CACNA1C: variants seen among roughly 807,000 people sequenced by gnomAD.
CACNA1C encodes voltage-dependent L-type calcium channel subunit alpha-1C.
A neutral mutation model predicts 229.0 loss-of-function variants in CACNA1C; 30 were observed. That is an observed-to-expected ratio of 0.13 (90% CI 0.10 to 0.18). The LOEUF (loss-of-function observed/expected upper bound fraction) is 0.18. CACNA1C is among the 10% of genes least tolerant of loss of function. The pLI is 1.00. For missense variants in CACNA1C, 1,658 were observed against 2,845.0 expected, an observed-to-expected ratio of 0.58 and a Z score of 9.49; for synonymous variants, 1,114 against 1,132.5, an observed-to-expected ratio of 0.98 and a Z score of 0.33.
At chr12:2,520,203 T>A (rs1598746856) in intron 9 of CACNA1C, among the ~76,000 whole-genome samples, 1 of 116,248 alleles carries the variant, frequency 8.6e-6, no homozygotes, top group South Asian at 3.5e-4. Context: ...CATTGACCAA[T>A]GGCCGTGTGC....
At chr12:2,212,903 C>T (rs2097971653) in intron 3 of CACNA1C, among the ~76,000 whole-genome samples, 1 of 152,180 alleles carries the variant, frequency 6.6e-6, no homozygotes, top group Non-Finnish European at 1.5e-5. Context: ...ACTGGAAGAT[C>T]CTGAAAATAA....
chr12:2,183,434 G>A (rs1303845322), intron 3 of CACNA1C, among the ~76,000 whole-genome samples: 1 of 152,222 alleles, frequency 6.6e-6, no homozygotes, highest in South Asian at 2.1e-4. Context: ...GCCTTCTCTA[G>A]AGATTCTATT....
Position 2,668,889 on chromosome 12 carries a change from C to G in CACNA1C, c.4624-44C>G, listed in dbSNP as rs756860805. 3 of 1,328,004 alleles carry G rather than the reference C, an allele frequency of 2.3e-6. No individual in the cohort carries two copies. The South Asian group carries it at 3.5e-5, about 16-fold the overall frequency. The allele number at this position is 1,328,004 out of a possible 1,614,324, so 82.3% of individuals were successfully genotyped here. A position where few individuals can be genotyped will look rare whatever the true frequency, so the allele number is the denominator to read the frequency against. On this transcript the variant is annotated intron_variant, in intron 37 of 46. Transcript: ENST00000399655. The stretch of plus-strand genomic sequence containing the variant: ...CCACGGTGTTCTGCGGTCCCCTAAG[C>G]ACCGCCTGCCATCATCACCAGCTTT...
chr12:2,161,051 G>A (rs2095828817), intron 3 of CACNA1C, among the ~76,000 whole-genome samples: 1 of 152,176 alleles, frequency 6.6e-6, no homozygotes, highest in Non-Finnish European at 1.5e-5. Context: ...CGAACTTCTG[G>A]CCTCGTGATC....
In CACNA1C at chr12:2,665,075, G is replaced by T. The variant is rs550419252; in HGVS notation, c.4398+85G>T. 1.6e-5 allele frequency: 23 copies of T among 1,433,646 alleles called. No homozygotes were observed. The Admixed American group carries it at 2.3e-4, about 14-fold the overall frequency. 88.8% of individuals were successfully genotyped at this position (1,433,646 alleles called of 1,614,324 possible). Reference sequence around the variant, plus strand: ...GAACCGTCCATCTCTGCAGCTCATGGTCAGGGCAACCCTATCAGAGGAGCT... The same window carrying T: ...GAACCGTCCATCTCTGCAGCTCATGTTCAGGGCAACCCTATCAGAGGAGCT... On this transcript the variant is annotated intron_variant, in intron 35 of 46. Transcript: ENST00000399655. This position sits in a 1 kb window ranked among gnomAD's most constrained non-coding sequence, Gnocchi z 5.9.
chr12:2,207,086 A>C (rs944213833), intron 3 of CACNA1C, among the ~76,000 whole-genome samples: 2 of 152,038 alleles, frequency 1.3e-5, no homozygotes, highest in Admixed American at 6.6e-5. Flanking sequence ...TGCTTTGGGG[A>C]TGTGTCTGGG....
chr12:2,376,574 C>A (rs1049575782), intron 3 of CACNA1C, among the ~76,000 whole-genome samples: 1 of 152,140 alleles, frequency 6.6e-6, no homozygotes, highest in Non-Finnish European at 1.5e-5. Flanking sequence ...GAGCTGCTGG[C>A]GGCAAACTTT....
At position 2,108,221 on chromosome 12, in the gene CACNA1C, T is replaced by G. The variant is rs1164611345; in HGVS notation, c.50-7003T>G. Among the ~76,000 whole-genome samples, 2 of 152,164 alleles carry G rather than the reference T, an allele frequency of 1.3e-5. No individual in the cohort carries two copies. Among genetic ancestry groups the G allele is most frequent in the African/African-American group, 4.8e-5 (2 of 41,436 alleles). On this transcript the variant is annotated intron_variant, in intron 1 of 46. Transcript: ENST00000399655. The surrounding 1 kb of genome is among the most constrained non-coding windows in gnomAD (Gnocchi z 5.3). The stretch of plus-strand genomic sequence containing the variant: ...TTTAGAGGAAAGATAGTACAGGAAT[T>G]TAGGGGCTTATACAATAATTGGAAA...
intron 3 of CACNA1C, among the ~76,000 whole-genome samples, chr12:2,417,090 G>A (rs564168968): frequency 1.3e-5 from 2 of 152,222 alleles, no homozygotes; most frequent in Non-Finnish European, 2.9e-5. Context: ...TATACAATGT[G>A]GAGCAGCCAG....
chr12:2,433,324 C>T (rs990345116), intron 3 of CACNA1C, among the ~76,000 whole-genome samples: 9 of 152,164 alleles, frequency 5.9e-5, no homozygotes, highest in Admixed American at 4.6e-4. Flanking sequence ...CTTGTGGGGC[C>T]GCAGACCTGG....
intron 3 of CACNA1C, among the ~76,000 whole-genome samples, chr12:2,187,377 A>C (rs561194455): frequency 6.6e-6 from 1 of 152,176 alleles, no homozygotes; most frequent in African/African-American, 2.4e-5. Flanking sequence ...GGCCAAAGAT[A>C]CAAATCAGCA....
At chr12:2,607,254 T>C in intron 26 of CACNA1C, 124 bp downstream of exon 26, 2 of 944,694 alleles carry the variant, frequency 2.1e-6, no homozygotes, top group South Asian at 1.8e-5. Context: ...ACCTGGGTCC[T>C]CCCCAGGCAG....
intron 3 of CACNA1C, among the ~76,000 whole-genome samples, chr12:2,144,628 T>G (rs1433982111): frequency 6.6e-6 from 1 of 151,406 alleles, no homozygotes; most frequent in East Asian, 1.9e-4. Context: ...ACTATATTTG[T>G]TTTAAGTTAA....
chr12:2,503,042 A>G (rs74053461), intron 7 of CACNA1C, among the ~76,000 whole-genome samples: 10,600 of 152,250 alleles, frequency 0.07, 1,253 homozygotes, highest in African/African-American at 0.24. Context: ...CTGCTATGCA[A>G]CCTTGTGGAG....
At chr12:2,435,850 G>C (rs558038959) in intron 3 of CACNA1C, among the ~76,000 whole-genome samples, 1 of 152,340 alleles carries the variant, frequency 6.6e-6, no homozygotes, top group South Asian at 2.1e-4. Flanking sequence ...CACGCTTGCT[G>C]AATGGGACAG....
At chr12:2,257,550 C>T (rs1238241882) in intron 3 of CACNA1C, among the ~76,000 whole-genome samples, 2 of 152,236 alleles carry the variant, frequency 1.3e-5, no homozygotes, top group Admixed American at 1.3e-4. Flanking sequence ...GCTGATCTGA[C>T]AGGAGCTGGA....
At chr12:2,489,096 AT>A (rs542711347) in intron 6 of CACNA1C, among the ~76,000 whole-genome samples, 234 of 152,216 alleles carry the variant, frequency 1.5e-3, no homozygotes, top group Middle Eastern at 0.01. Flanking sequence ...GGGTGGTTTA[AT>A]TTTTTTCTTT....
rs143803992 is a variant in CACNA1C, at chr12:2,692,499, C to T, written c.*1300C>T. ...CTTTCTGGTTTAGCTGTGGGAAGATCTGAATCTGGGGCCGTTTGAAAGCAA... is the reference window on the plus strand; with the variant it reads ...CTTTCTGGTTTAGCTGTGGGAAGATTTGAATCTGGGGCCGTTTGAAAGCAA... On this transcript the variant is annotated 3_prime_UTR_variant, in exon 47 of 47. Transcript: ENST00000399655. 7.8e-3 allele frequency: 1,197 copies of T among 152,780 alleles called. 9 individuals carry two copies. The highest frequency in any genetic ancestry group is 0.013 in the Non-Finnish European group (854 of 68,026). The allele number at this position is 152,780 out of a possible 1,614,324, so 9.5% of individuals were successfully genotyped here.
chr12:2,116,889 TATGGAAAGATTTAA>T (rs2084159194), intron 2 of CACNA1C, among the ~76,000 whole-genome samples: 1 of 152,188 alleles, frequency 6.6e-6, no homozygotes, highest in African/African-American at 2.4e-5. Context: ...GATGAGTTTC[TATGGAAAGATTTAA>T]AAGTCTCAGG....
Sources: gnomAD v4.1 joint callset for allele counts (sites outside exome capture counted in the v4.1 genomes callset) on GRCh38, gnomAD v4.1.1 for gene constraint, Gnocchi (gnomAD v3.1) non-coding constraint, MANE v1.5 for transcripts, NCBI Gene and HGNC (gene_info 2026-07-23, HGNC 2026-07-21) for gene names.